The following ABCA1 variants were observed in gnomAD, a reference collection of about 807,000 sequenced individuals.
The protein encoded by ABCA1 is ATP binding cassette subfamily A member 1.
In ABCA1, 133 loss-of-function variants were observed where a neutral mutation model predicts 262.5. The observed-to-expected ratio is 0.51, with a 90% CI of 0.44 to 0.59. The LOEUF (loss-of-function observed/expected upper bound fraction) is 0.59, where lower values mean the gene tolerates loss of function less well. ABCA1 is among the 20% of genes least tolerant of loss of function. The probability of loss-of-function intolerance (pLI) is 0.00; values close to 1 mark genes in which losing one functional copy is unlikely to be tolerated. For synonymous variants in ABCA1, 1,022 were observed against 1,043.5 expected (o/e 0.98, Z 0.40); for missense variants, 2,452 against 2,777.5 (o/e 0.88, Z 2.63).
chr9:104,908,730 C>T lies in ABCA1; in HGVS notation c.-92-4959G>A, dbSNP rs143886467. 8.3e-3 allele frequency among the ~76,000 whole-genome samples: 1,267 copies of T among 152,192 alleles called. 9 individuals are homozygous for T. Among genetic ancestry groups the T allele is most frequent in the South Asian group, 0.036 (176 of 4,822 alleles). ...AAAAGGAATAAGCTACTGTTACATG[C>T]GACAACCTGGATGAATCCCAAAAGC... is the stretch of plus-strand genomic sequence containing the variant. On this transcript the variant is annotated intron_variant, in intron 1 of 49. Coordinates refer to ENST00000374736, the MANE Select transcript of ABCA1 (RefSeq NM_005502.4).
At position 104,799,929 on chromosome 9, in the gene ABCA1, A is replaced by G; in HGVS notation, c.4833T>C (p.Asn1611=). The G allele has an allele frequency of 6.2e-6, 10 of 1,614,136 alleles. No individual in the cohort carries two copies. The highest frequency in any genetic ancestry group is 4.5e-5 in the East Asian group (2 of 44,888). ...TTTGCAGGTTGGCCCGGAGAATGGC[A>G]TTGTTGATGACATTCAGGAAAGAGC... ...AISSFLNVIN[N]AILRANLQKG... is the part of the protein sequence containing the mutation. Residue 1611 remains asparagine (N), a synonymous_variant, in exon 36 of 50, where the codon AAT becomes AAC. Transcript: ENST00000374736.
intron 2 of ABCA1, among the ~76,000 whole-genome samples, chr9:104,894,353 A>G (rs529104936): frequency 6.6e-6 from 1 of 152,338 alleles, no homozygotes; most frequent in African/African-American, 2.4e-5. Flanking sequence ...GGCAACTGAC[A>G]GCAAAGGGCA....
rs1160259840 is a variant in ABCA1 at position 104,831,717 on chromosome 9, T to A, written c.1620A>T (p.Gly540=). Residue 540 remains glycine (G), a synonymous_variant, in exon 13 of 50, where the codon GGA becomes GGT. Transcript: ENST00000374736. ...GCAGCTCAATGCTGCCTGGAGTAATTCCAGTGAACACAATACCAGCCCAGA... is the reference window on the plus strand; with the variant it reads ...GCAGCTCAATGCTGCCTGGAGTAATACCAGTGAACACAATACCAGCCCAGA... ...RKFWAGIVFT[G]ITPGSIELPH... is the part of the protein sequence containing the mutation. 2.5e-6 allele frequency: 4 copies of A among 1,614,190 alleles called. No individual in the cohort carries two copies. The highest frequency in any genetic ancestry group is 2.7e-5 in the African/African-American group (2 of 75,040).
intron 5 of ABCA1, among the ~76,000 whole-genome samples, chr9:104,862,641 G>GCCCCCAC (rs1564197815): frequency 4.5e-3 from 9 of 2,016 alleles, no homozygotes; most frequent in East Asian, 0.031. Flanking sequence ...TGCCGGGCCG[G>GCCCCCAC]GCCGGGCCGG....
rs185738123 is a variant in ABCA1 at position 104,911,184 on chromosome 9, A to G, written c.-92-7413T>C. ...TACATCAGATATGAACTGAAAATAC[A>G]TTGGTGCCAAAGCTCTGATTGCCTA... On this transcript the variant is annotated intron_variant, in intron 1 of 49. Transcript: ENST00000374736. Among the ~76,000 whole-genome samples, 22 of 152,368 alleles carry G rather than the reference A, an allele frequency of 1.4e-4. No individual in the cohort carries two copies. In the East Asian group the frequency reaches 3.9e-3, roughly 27 times the overall value.
chr9:104,800,476 T>A, intron 35 of ABCA1, 34 bp downstream of exon 35: 1 of 1,586,024 alleles, frequency 6.3e-7, no homozygotes, highest in South Asian at 1.1e-5. Flanking sequence ...TTATTGTTCA[T>A]CAAAAAGCTA....
At chr9:104,802,862 C>G (rs145761760) in intron 33 of ABCA1, among the ~76,000 whole-genome samples, 1 of 152,154 alleles carries the variant, frequency 6.6e-6, no homozygotes, top group African/African-American at 2.4e-5. Context: ...TTTTTAGTCC[C>G]GTGCTAAATG....
At position 104,884,412 on chromosome 9, in the gene ABCA1, T is replaced by A. The variant is rs200532064; in HGVS notation, c.302+15A>T. ...AACTGACAAGTTTGGAAAGAAAACC[T>A]GATCTGATACTTACATGGATTTGTT... On this transcript the variant is annotated intron_variant, in intron 4 of 49. Transcript: ENST00000374736. 1.7e-5 allele frequency: 28 copies of A among 1,614,166 alleles called. No individual in the cohort carries two copies. The East Asian group carries it at 5.8e-4, about 33-fold the overall frequency.
Position 104,782,445 on chromosome 9 carries a change from T to C in ABCA1, c.*1870A>G, listed in dbSNP as rs1489436722. 3 of 152,200 alleles carry C rather than the reference T, an allele frequency of 2.0e-5. No homozygotes were observed. Among genetic ancestry groups the C allele is most frequent in the African/African-American group, 7.2e-5 (3 of 41,472 alleles). The allele number at this position is 152,200 out of a possible 1,614,324, so 9.4% of individuals were successfully genotyped here. ...TGGAAAAAGTGGAAGAAGTTAGTAA[T>C]GATATTGAAAGATCACTTGAACTTC... On this transcript the variant is annotated 3_prime_UTR_variant, in exon 50 of 50. Coordinates refer to ENST00000374736, the MANE Select transcript of ABCA1 (RefSeq NM_005502.4).
intron 1 of ABCA1, among the ~76,000 whole-genome samples, chr9:104,925,716 C>A (rs1474161238): frequency 6.6e-6 from 1 of 152,130 alleles, no homozygotes; most frequent in Non-Finnish European, 1.5e-5. Flanking sequence ...TTTGTGGAAG[C>A]ACTTGGGAAA....
rs1828855195 is a variant in ABCA1 at position 104,785,590 on chromosome 9, C to G, written c.6451G>C (p.Asp2151His). Residue 2151 changes from aspartate to histidine, a missense_variant, in exon 49 of 50, where the codon GAC becomes CAC. Transcript: ENST00000374736. ...IVVRIAGSNPDLKPVQDFFGL... is the reference protein window; with the variant it reads ...IVVRIAGSNPHLKPVQDFFGL... ...AAGAAATCCTGGACAGGCTTCAGGT[C>G]CGGGTTGGACCCTGCTATTCGTACA... The G allele has an allele frequency of 6.2e-7, 1 of 1,614,010 alleles. No homozygotes were observed. The highest frequency in any genetic ancestry group is 1.3e-5 in the African/African-American group (1 of 74,910).
At chr9:104,855,251 C>T in intron 7 of ABCA1, 2 of 749,964 alleles carry the variant, frequency 2.7e-6, no homozygotes, top group Non-Finnish European at 3.2e-6. Flanking sequence ...GGCTGGAATG[C>T]AGTGGAGTGA....
intron 2 of ABCA1, among the ~76,000 whole-genome samples, chr9:104,894,534 A>G (rs749840026): frequency 5.9e-5 from 9 of 152,234 alleles, no homozygotes; most frequent in Non-Finnish European, 1.3e-4. Flanking sequence ...AAACAATCCA[A>G]TTAGTACTCT....
At chr9:104,859,660 C>G (rs1361916593) in intron 6 of ABCA1, among the ~76,000 whole-genome samples, 1 of 152,200 alleles carries the variant, frequency 6.6e-6, no homozygotes, top group East Asian at 1.9e-4. Context: ...TTTTTGCTGA[C>G]TGCCAGAGAT....
chr9:104,891,966 TAAAAAAA>T lies in ABCA1; in HGVS notation c.67-2778_67-2772del, dbSNP rs570923490. Among the ~76,000 whole-genome samples, 13 of 59,226 alleles carry T rather than the reference TAAAAAAA, an allele frequency of 2.2e-4. No individual in the cohort carries two copies. In the East Asian group the frequency reaches 2.4e-3, roughly 11 times the overall value. The allele number at this position is 59,226 out of a possible 152,430, so 38.9% of individuals were successfully genotyped here. A position where few individuals can be genotyped will look rare whatever the true frequency, so the allele number is the denominator to read the frequency against. On this transcript the variant is annotated intron_variant, in intron 2 of 49. Coordinates refer to ENST00000374736, the MANE Select transcript of ABCA1 (RefSeq NM_005502.4). ...GGCGACAGAGCAAGACTCTGTCTCT[TAAAAAAA>T]AAAAAAAAAAAAAAAAAAAAAAAGT...
chr9:104,804,629 T>TA lies in ABCA1; in HGVS notation c.4555_4556insT (p.Lys1519IlefsTer11). 1 of 1,614,108 alleles carries TA rather than the reference T, an allele frequency of 6.2e-7. No homozygotes were observed. Among genetic ancestry groups the TA allele is most frequent in the South Asian group, 1.1e-5 (1 of 91,088 alleles). ...GCCAAGTTTAGTAAAAAGTCACCTT[T>TA]TGGCTATGATCTGCACATACGTCTT... On this transcript the variant is annotated frameshift_variant, in exon 32 of 50. Transcript: ENST00000374736. LOFTEE classifies it high-confidence loss of function.
At chr9:104,889,912 G>A (rs1007954600) in intron 2 of ABCA1, among the ~76,000 whole-genome samples, 1 of 152,308 alleles carries the variant, frequency 6.6e-6, no homozygotes, top group Admixed American at 6.5e-5. Flanking sequence ...TCTCCGATGA[G>A]TTAAAAAGAT....
intron 47 of ABCA1, 119 bp downstream of exon 47, chr9:104,786,754 G>T: frequency 1.1e-6 from 1 of 947,882 alleles, no homozygotes; most frequent in Non-Finnish European, 1.7e-6. Flanking sequence ...TATAATTTCA[G>T]GTAATAATTG....
At position 104,817,501 on chromosome 9, in the gene ABCA1, G is replaced by A. The variant is rs1159279956; in HGVS notation, c.3463-97C>T. On this transcript the variant is annotated intron_variant, in intron 23 of 49. Transcript: ENST00000374736. This position sits in a 1 kb window ranked among gnomAD's most constrained non-coding sequence, Gnocchi z 4.7. ...GAGGGCTTCCAAGAAGCTCTGTTGT[G>A]TGAGAACTAAAGGAAAAAGCTTTCC... 17 of 1,335,576 alleles carry A rather than the reference G, an allele frequency of 1.3e-5. No homozygotes were observed. The highest frequency in any genetic ancestry group is 1.7e-5 in the Non-Finnish European group (16 of 939,722). 82.7% of individuals were successfully genotyped at this position (1,335,576 alleles called of 1,614,324 possible). A position where few individuals can be genotyped will look rare whatever the true frequency, so the allele number is the denominator to read the frequency against.
Sources: gnomAD v4.1 joint callset for allele counts (sites outside exome capture counted in the v4.1 genomes callset) on GRCh38, gnomAD v4.1.1 for gene constraint, Gnocchi (gnomAD v3.1) non-coding constraint, MANE v1.5 for transcripts, NCBI Gene and HGNC (gene_info 2026-07-23, HGNC 2026-07-21) for gene names.